Variants in SPMIP2 observed in about 807,000 individuals in gnomAD.
SPMIP2 encodes the protein protein SPMIP2.
the SPMIP2 span, among the ~76,000 whole-genome samples, chr4:159,080,613 T>A: frequency 2.0e-5 from 3 of 152,230 alleles, no homozygotes; most frequent in Non-Finnish European, 4.4e-5. Context: ...ACTTTTGGTA[T>A]CTCCTCATAT....
the SPMIP2 span, among the ~76,000 whole-genome samples, chr4:158,982,466 A>T: frequency 6.6e-6 from 1 of 152,174 alleles, no homozygotes; most frequent in Non-Finnish European, 1.5e-5. Flanking sequence ...TTGATCACAT[A>T]ATTGGAAGTA....
the SPMIP2 span, among the ~76,000 whole-genome samples, chr4:159,075,921 C>A: frequency 2.6e-5 from 4 of 151,730 alleles, no homozygotes; most frequent in African/African-American, 7.3e-5. Context: ...AGAAAAAAAA[C>A]CCTGGCTGGT....
the SPMIP2 span, among the ~76,000 whole-genome samples, chr4:159,031,987 T>C: frequency 2.6e-5 from 4 of 152,128 alleles, no homozygotes; most frequent in African/African-American, 9.7e-5. Context: ...TTTGGGAGGC[T>C]GAGGCGGGCA....
the SPMIP2 span, among the ~76,000 whole-genome samples, chr4:158,976,659 A>ATTTTTT: frequency 0.019 from 1,798 of 94,676 alleles, 257 homozygotes; most frequent in African/African-American, 0.06. Flanking sequence ...ATGGATAAGC[A>ATTTTTT]TTTTTTTTTT....
chr4:158,969,458 T>C, the SPMIP2 span, among the ~76,000 whole-genome samples: 3 of 152,202 alleles, frequency 2.0e-5, no homozygotes, highest in Non-Finnish European at 2.9e-5. Context: ...TCCTTGTTTA[T>C]ACATACATTT....
At chr4:159,064,358 T>A in the SPMIP2 span, 1 of 152,210 alleles carries the variant, frequency 6.6e-6, no homozygotes, top group African/African-American at 2.4e-5. Flanking sequence ...AGTTTGACTA[T>A]GAACAATCAG....
the SPMIP2 span, among the ~76,000 whole-genome samples, chr4:158,926,561 G>A: frequency 7.2e-5 from 11 of 152,064 alleles, no homozygotes; most frequent in South Asian, 8.3e-4. Flanking sequence ...TAAATGTACC[G>A]AGACTTATTT....
the SPMIP2 span, among the ~76,000 whole-genome samples, chr4:159,052,896 A>G: frequency 6.6e-6 from 1 of 150,906 alleles, no homozygotes; most frequent in African/African-American, 2.4e-5. Flanking sequence ...TCAGCCACCC[A>G]AAGTGCTGGG....
the SPMIP2 span, among the ~76,000 whole-genome samples, chr4:158,925,096 C>G: frequency 6.6e-6 from 1 of 152,076 alleles, no homozygotes; most frequent in Non-Finnish European, 1.5e-5. Flanking sequence ...TTTCTGGAAA[C>G]AGTTTGTGAA....
the SPMIP2 span, among the ~76,000 whole-genome samples, chr4:159,033,853 GA>G: frequency 6.6e-6 from 1 of 151,978 alleles, no homozygotes; most frequent in Non-Finnish European, 1.5e-5. Context: ...TGGAAAAAAA[GA>G]AAAAAAGGCC....
chr4:158,916,235 A>G, the SPMIP2 span, among the ~76,000 whole-genome samples: 4 of 152,200 alleles, frequency 2.6e-5, no homozygotes, highest in Non-Finnish European at 5.9e-5. Context: ...GAGCTTATAT[A>G]CCTGTGGGGG....
At chr4:159,042,016 A>T in the SPMIP2 span, among the ~76,000 whole-genome samples, 1 of 152,228 alleles carries the variant, frequency 6.6e-6, no homozygotes. Flanking sequence ...ATCTTCAACA[A>T]ACATGTTTTT....
chr4:158,944,432 T>C, the SPMIP2 span, among the ~76,000 whole-genome samples: 3 of 152,318 alleles, frequency 2.0e-5, no homozygotes, highest in South Asian at 6.2e-4. Flanking sequence ...TCTTCTTTCA[T>C]GGCTCTTCTT....
chr4:158,973,453 GTTAA>G, the SPMIP2 span: 2 of 432,988 alleles, frequency 4.6e-6, no homozygotes, highest in East Asian at 3.5e-5. Flanking sequence ...TTTTAGACAT[GTTAA>G]TTCTTATTAA....
the SPMIP2 span, among the ~76,000 whole-genome samples, chr4:159,078,972 G>A: frequency 6.6e-6 from 1 of 152,036 alleles, no homozygotes; most frequent in South Asian, 2.1e-4. Flanking sequence ...ACAGAAATTA[G>A]CTGGGTGTGG....
At chr4:158,992,366 T>C in the SPMIP2 span, among the ~76,000 whole-genome samples, 1 of 152,322 alleles carries the variant, frequency 6.6e-6, no homozygotes, top group South Asian at 2.1e-4. Flanking sequence ...TGATAAGACT[T>C]ATGGTAAATA....
chr4:159,070,181 A>G, the SPMIP2 span, among the ~76,000 whole-genome samples: 2 of 152,200 alleles, frequency 1.3e-5, no homozygotes, highest in East Asian at 1.9e-4. Context: ...CCAAAACTGT[A>G]AGAGAAAAAA....
chr4:158,917,409 A>G, the SPMIP2 span, among the ~76,000 whole-genome samples: 1 of 151,880 alleles, frequency 6.6e-6, no homozygotes, highest in Non-Finnish European at 1.5e-5. Context: ...CCTGGGTGAC[A>G]GAGCAGGGGG....
the SPMIP2 span, among the ~76,000 whole-genome samples, chr4:159,082,017 T>C: frequency 1.1e-4 from 16 of 152,226 alleles, no homozygotes; most frequent in African/African-American, 3.4e-4. Context: ...ATGAGAGTTC[T>C]TTAAAAGTTG....
Sources: allele counts gnomAD v4.1 joint callset (sites outside exome capture counted in the v4.1 genomes callset), GRCh38; gene constraint gnomAD v4.1.1; transcripts MANE v1.5; gene names NCBI Gene and HGNC (gene_info 2026-07-23, HGNC 2026-07-21).